SNRPA: variants seen among roughly 807,000 people sequenced by gnomAD.
SNRPA encodes the protein small nuclear ribonucleoprotein polypeptide A.
In SNRPA, 10 loss-of-function variants were observed where a neutral mutation model predicts 24.5. That is an observed-to-expected ratio of 0.41 (90% confidence interval 0.25 to 0.69). The LOEUF (loss-of-function observed/expected upper bound fraction) is 0.69, where lower values mean the gene tolerates loss of function less well. Ranked by LOEUF, SNRPA falls within the 30% of genes least tolerant of loss-of-function variation. The pLI is 0.33. For synonymous variants in SNRPA, 165 were observed against 148.4 expected, an observed-to-expected ratio of 1.11 and a Z score of -0.81; for missense variants, 283 against 394.7, an observed-to-expected ratio of 0.72 and a Z score of 2.40.
intron 1 of SNRPA, among the ~76,000 whole-genome samples, chr19:40,753,902 C>T (rs560206315): frequency 3.3e-5 from 5 of 149,300 alleles, no homozygotes; most frequent in East Asian, 2.0e-4. Context: ...CCTGGGTTCA[C>T]GCCATTCTCC....
At chr19:40,753,627 C>T (rs2082895371) in intron 1 of SNRPA, among the ~76,000 whole-genome samples, 1 of 151,440 alleles carries the variant, frequency 6.6e-6, no homozygotes. Flanking sequence ...GAACTCCTGA[C>T]CTTAGGTGAT....
intron 3 of SNRPA, among the ~76,000 whole-genome samples, chr19:40,760,764 C>T (rs1475709531): frequency 6.6e-6 from 1 of 152,024 alleles, no homozygotes; most frequent in African/African-American, 2.4e-5. Context: ...AATAGCAAGA[C>T]CTCATCTCTA....
chr19:40,759,723 T>A (rs2082923730), intron 3 of SNRPA, 113 bp downstream of exon 3: 2 of 887,882 alleles, frequency 2.3e-6, no homozygotes, highest in East Asian at 5.6e-5. Context: ...AGACCCCTCC[T>A]TTCCATTTCT....
In SNRPA at chr19:40,757,411, GA is replaced by G; in HGVS notation, c.154del (p.Arg52GlyfsTer46). 6.2e-7 allele frequency: 1 copy of G among 1,614,152 alleles called. No individual in the cohort carries two copies. On this transcript the variant is annotated frameshift_variant, in exon 2 of 6. Coordinates refer to ENST00000243563, the MANE Select transcript of SNRPA (RefSeq NM_004596.5). LOFTEE classifies it high-confidence loss of function. ...TCCTGGTATCACGGAGCCTGAAGAT[GA>G]GGGGCCAGGCCTTTGTCATCTTCAA... Reference protein sequence around the residue: ...DILVSRSLKMRGQAFVIFKEV... With the variant: ...DILVSRSLKMXGQAFVIFKEV...
intron 5 of SNRPA, among the ~76,000 whole-genome samples, chr19:40,764,737 T>G (rs2082947148): frequency 6.6e-6 from 1 of 152,176 alleles, no homozygotes; most frequent in African/African-American, 2.4e-5. Context: ...GGGTTATGAT[T>G]TAGGAAGGGC....
Position 40,757,339 on chromosome 19 carries a change from A to G in SNRPA, c.81A>G (p.Lys27=), listed in dbSNP as rs1246371817. The G allele has an allele frequency of 6.2e-7, 1 of 1,613,896 alleles. No individual in the cohort carries two copies. Among genetic ancestry groups the G allele is most frequent in the African/African-American group, 1.3e-5 (1 of 74,884 alleles). The change falls in exon 2 of 6, where the codon AAA becomes AAG. Residue 27 remains lysine, a synonymous_variant. Coordinates refer to ENST00000243563, the MANE Select transcript of SNRPA (RefSeq NM_004596.5). The part of the protein sequence containing the change: ...LNEKIKKDEL[K]KSLYAIFSQF... ...TTTTTTCCCCCACTGCAGAGCTAAA[A>G]AAGTCCCTGTACGCCATCTTCTCCC...
intron 1 of SNRPA, among the ~76,000 whole-genome samples, chr19:40,756,132 C>T (rs182470713): frequency 1.3e-4 from 20 of 152,090 alleles, no homozygotes; most frequent in South Asian, 2.1e-4. Flanking sequence ...AGCCGTGCGT[C>T]GTGCTGCGTG....
At chr19:40,755,856 T>TATGCCCTCCAGATTG (rs1471044211) in intron 1 of SNRPA, among the ~76,000 whole-genome samples, 2 of 152,208 alleles carry the variant, frequency 1.3e-5, no homozygotes, top group Non-Finnish European at 2.9e-5. Context: ...TACGCTTCCT[T>TATGCCCTCCAGATTG]ATGCCCTCCA....
intron 4 of SNRPA, 124 bp from the exon 5 acceptor site, chr19:40,763,463 G>A: frequency 1.3e-6 from 1 of 786,386 alleles, no homozygotes; most frequent in Non-Finnish European, 2.3e-6. Context: ...ACAATATGTG[G>A]TATGTTGGGT....
rs373440672 is a variant in SNRPA, at chr19:40,759,129, C to T, written c.247-302C>T. 1.2e-3 allele frequency among the ~76,000 whole-genome samples: 180 copies of T among 149,366 alleles called. 1 individual carries two copies. The highest frequency in any genetic ancestry group is 4.3e-3 in the South Asian group (20 of 4,696). ...AGGCTGAGGCAGAATTGCTTGAACC[C>T]GGGAGGCAGAGGTTGCAGTCAGCTG... On this transcript the variant is annotated intron_variant, in intron 2 of 5. Coordinates refer to ENST00000243563, the MANE Select transcript of SNRPA (RefSeq NM_004596.5).
chr19:40,756,129 C>T (rs548811443), intron 1 of SNRPA, among the ~76,000 whole-genome samples: 77 of 152,048 alleles, frequency 5.1e-4, no homozygotes, highest in African/African-American at 1.7e-3. Flanking sequence ...ATTAGCCGTG[C>T]GTCGTGCTGC....
chr19:40,762,948 G>T lies in SNRPA; in HGVS notation c.474G>T (p.Pro158=). The T allele has an allele frequency of 1.2e-6, 2 of 1,613,760 alleles. No homozygotes were observed. Among genetic ancestry groups the T allele is most frequent in the African/African-American group, 2.7e-5 (2 of 75,010 alleles). Reference sequence around the variant, plus strand: ...CGCCCCGCATTATGCACCACATGCCGGGCCAGCCGCCCTACATGCCGCCCC... The same window carrying T: ...CGCCCCGCATTATGCACCACATGCCTGGCCAGCCGCCCTACATGCCGCCCC... ...TQAPRIMHHM[P]GQPPYMPPPG... Residue 158 remains proline (P), a synonymous_variant, in exon 4 of 6, where the codon CCG becomes CCT. Transcript: ENST00000243563.
chr19:40,762,972 C>A lies in SNRPA; in HGVS notation c.498C>A (p.Pro166=), dbSNP rs770344961. 3.1e-6 allele frequency: 5 copies of A among 1,613,384 alleles called. No homozygotes were observed. The highest frequency in any genetic ancestry group is 4.2e-6 in the Non-Finnish European group (5 of 1,179,590). Reference sequence around the variant, plus strand: ...CGGGCCAGCCGCCCTACATGCCGCCCCCTGGTATGATCCCCCCGCCAGGCC... The same window carrying A: ...CGGGCCAGCCGCCCTACATGCCGCCACCTGGTATGATCCCCCCGCCAGGCC... ...HMPGQPPYMP[P]PGMIPPPGLA... is the part of the protein sequence containing the mutation. The change falls in exon 4 of 6, where the codon CCC becomes CCA. Residue 166 remains proline, a synonymous_variant. Coordinates refer to ENST00000243563, the MANE Select transcript of SNRPA (RefSeq NM_004596.5).
chr19:40,753,381 TATG>T (rs1216450275), intron 1 of SNRPA, among the ~76,000 whole-genome samples: 40 of 104,256 alleles, frequency 3.8e-4, no homozygotes, highest in African/African-American at 1.5e-3. Context: ...AAATTTTGCA[TATG>T]TTTTTTTTTT....
chr19:40,756,564 C>T (rs753208693), intron 1 of SNRPA, among the ~76,000 whole-genome samples: 3 of 150,714 alleles, frequency 2.0e-5, no homozygotes, highest in East Asian at 1.9e-4. Flanking sequence ...CCACTGCACT[C>T]CAGCCTGGGT....
chr19:40,751,231 T>G lies in SNRPA; in HGVS notation c.-178T>G, dbSNP rs1307480687. The G allele has an allele frequency of 7.8e-6, 5 of 638,008 alleles. No individual in the cohort carries two copies. The African/African-American group carries it at 9.1e-5, about 12-fold the overall frequency. 39.5% of individuals were successfully genotyped at this position (638,008 alleles called of 1,614,324 possible). A position where few individuals can be genotyped will look rare whatever the true frequency, so the allele number is the denominator to read the frequency against. ...TCCGCACGCGGGCTGGAGAAGCGGG[T>G]CCTACGCACGCTTTGTTGTCGCGCT... On this transcript the variant is annotated 5_prime_UTR_variant, in exon 1 of 6. Coordinates refer to ENST00000243563, the MANE Select transcript of SNRPA (RefSeq NM_004596.5).
At position 40,751,231 on chromosome 19, in the gene SNRPA, T is replaced by C; in HGVS notation, c.-178T>C. ...TCCGCACGCGGGCTGGAGAAGCGGGTCCTACGCACGCTTTGTTGTCGCGCT... is the reference window on the plus strand; with the variant it reads ...TCCGCACGCGGGCTGGAGAAGCGGGCCCTACGCACGCTTTGTTGTCGCGCT... On this transcript the variant is annotated 5_prime_UTR_variant, in exon 1 of 6. Transcript: ENST00000243563. 1 of 638,128 alleles carries C rather than the reference T, an allele frequency of 1.6e-6. No homozygotes were observed. The highest frequency in any genetic ancestry group is 2.6e-5 in the East Asian group (1 of 38,546). 39.5% of individuals were successfully genotyped at this position (638,128 alleles called of 1,614,324 possible).
chr19:40,751,207 C>G lies in SNRPA; in HGVS notation c.-202C>G, dbSNP rs182084754. The G allele has an allele frequency of 1.7e-5, 10 of 598,376 alleles. No individual in the cohort carries two copies. The Admixed American group carries it at 2.0e-4, about 12-fold the overall frequency. The allele number at this position is 598,376 out of a possible 1,614,324, so 37.1% of individuals were successfully genotyped here. ...GTAGTAAATCTCTCGAGAGTTCTCT[C>G]CGCACGCGGGCTGGAGAAGCGGGTC... On this transcript the variant is annotated 5_prime_UTR_variant, in exon 1 of 6. Coordinates refer to ENST00000243563, the MANE Select transcript of SNRPA (RefSeq NM_004596.5).
rs1394441259 is a variant in SNRPA, at chr19:40,765,305, T to A, written c.*138T>A. On this transcript the variant is annotated 3_prime_UTR_variant, in exon 6 of 6. Transcript: ENST00000243563. Reference sequence around the variant, plus strand: ...TGAGTGAGTGGTCGCCACACAGCATTGTACCCAGAGTCTGTCCCCAGACAT... The same window carrying A: ...TGAGTGAGTGGTCGCCACACAGCATAGTACCCAGAGTCTGTCCCCAGACAT... 1 of 476,194 alleles carries A rather than the reference T, an allele frequency of 2.1e-6. No individual in the cohort carries two copies. Among genetic ancestry groups the A allele is most frequent in the East Asian group, 3.6e-5 (1 of 28,042 alleles). The allele number at this position is 476,194 out of a possible 1,614,324, so 29.5% of individuals were successfully genotyped here.
Sources: allele counts gnomAD v4.1 joint callset (sites outside exome capture counted in the v4.1 genomes callset), GRCh38; gene constraint gnomAD v4.1.1; transcripts MANE v1.5; gene names NCBI Gene and HGNC (gene_info 2026-07-23, HGNC 2026-07-21).